The following PIWIL2 variants were observed in gnomAD, a reference collection of about 807,000 sequenced individuals.
PIWIL2 encodes piwi like RNA-mediated gene silencing 2.
PIWIL2 carries 81 observed loss-of-function variants against 116.5 expected under a neutral mutation model. That is an observed-to-expected ratio of 0.70 (90% CI 0.58 to 0.84). The LOEUF (loss-of-function observed/expected upper bound fraction) is 0.84. PIWIL2 is among the 40% of genes least tolerant of loss of function. The probability of loss-of-function intolerance (pLI) is 0.00; values close to 1 mark genes in which losing one functional copy is unlikely to be tolerated. For missense variants in PIWIL2, 1,272 were observed against 1,212.3 expected (o/e 1.05, Z -0.73); for synonymous variants, 489 against 429.5 (o/e 1.14, Z -1.71).
chr8:22,298,065 T>A (rs1279166276), intron 10 of PIWIL2, among the ~76,000 whole-genome samples: 2 of 152,142 alleles, frequency 1.3e-5, no homozygotes, highest in Non-Finnish European at 2.9e-5. Context: ...GAAACCAGCC[T>A]GGGCAACATG....
chr8:22,313,762 A>C (rs796271214), intron 16 of PIWIL2, among the ~76,000 whole-genome samples: 19 of 152,350 alleles, frequency 1.2e-4, no homozygotes, highest in African/African-American at 3.6e-4. Context: ...GCAGTGAGGA[A>C]TAGATGATAC....
At chr8:22,323,105 G>T (rs1291174812) in intron 20 of PIWIL2, among the ~76,000 whole-genome samples, 2 of 146,864 alleles carry the variant, frequency 1.4e-5, no homozygotes, top group African/African-American at 5.0e-5. Flanking sequence ...GTAGAGACGG[G>T]GTTTCACTGT....
At chr8:22,276,442 A>C (rs1374847441) in intron 1 of PIWIL2, among the ~76,000 whole-genome samples, 1 of 152,132 alleles carries the variant, frequency 6.6e-6, no homozygotes, top group East Asian at 1.9e-4. Flanking sequence ...CTGCCTCCCG[A>C]GTAGCTGGGA....
intron 8 of PIWIL2, among the ~76,000 whole-genome samples, chr8:22,289,584 T>C (rs758395960): frequency 6.6e-6 from 1 of 152,224 alleles, no homozygotes; most frequent in African/African-American, 2.4e-5. Flanking sequence ...AGTAACGTAA[T>C]AAAACCTTGG....
At chr8:22,279,271 T>C in intron 1 of PIWIL2, 70 bp from the exon 2 acceptor site, 2 of 796,768 alleles carry the variant, frequency 2.5e-6, no homozygotes, top group Non-Finnish European at 4.3e-6. Flanking sequence ...ACTATTTTAA[T>C]GCTTTGTGAG....
At chr8:22,279,664 C>T in intron 2 of PIWIL2, 80 bp downstream of exon 2, 2 of 1,366,280 alleles carry the variant, frequency 1.5e-6, no homozygotes, top group Non-Finnish European at 2.1e-6. Context: ...TTTCAAAGTG[C>T]TTGCAGGGCT....
intron 20 of PIWIL2, among the ~76,000 whole-genome samples, chr8:22,327,194 A>G (rs1446326841): frequency 6.6e-6 from 1 of 151,248 alleles, no homozygotes; most frequent in Non-Finnish European, 1.5e-5. Flanking sequence ...ACACCCAGCT[A>G]ATTTTTGTTT....
chr8:22,331,156 A>G (rs1437370616), intron 20 of PIWIL2, among the ~76,000 whole-genome samples: 2 of 152,108 alleles, frequency 1.3e-5, no homozygotes, highest in Non-Finnish European at 2.9e-5. Flanking sequence ...AGCCTAAGCT[A>G]CAGAGCGAGA....
chr8:22,298,950 C>T (rs911876168), intron 10 of PIWIL2, among the ~76,000 whole-genome samples: 8 of 152,138 alleles, frequency 5.3e-5, no homozygotes, highest in African/African-American at 1.7e-4. Flanking sequence ...AGTTGGCTTG[C>T]AAAAGTGTGT....
chr8:22,284,197 C>T lies in PIWIL2; in HGVS notation c.668C>T (p.Pro223Leu). ...LIVKQGSKGTPQSLGLNLVKI... is the reference protein window; with the variant it reads ...LIVKQGSKGTLQSLGLNLVKI... Reference sequence around the variant, plus strand: ...GTGAAGCAAGGATCAAAAGGAACACCTCAGTCTTTGGGACTGAACCTCGTC... The same window carrying T: ...GTGAAGCAAGGATCAAAAGGAACACTTCAGTCTTTGGGACTGAACCTCGTC... Residue 223 changes from proline to leucine, a missense_variant, in exon 6 of 23, where the codon CCT (proline) becomes CTT (leucine). By Grantham distance (98) the Pro-to-Leu change is moderately conservative. Transcript: ENST00000356766. 1 of 1,601,762 alleles carries T rather than the reference C, an allele frequency of 6.2e-7. No homozygotes were observed. The highest frequency in any genetic ancestry group is 8.5e-7 in the Non-Finnish European group (1 of 1,174,520).
chr8:22,317,405 CAT>C (rs975872762), intron 19 of PIWIL2, among the ~76,000 whole-genome samples: 13 of 152,090 alleles, frequency 8.5e-5, no homozygotes, highest in Non-Finnish European at 1.5e-4. Flanking sequence ...CACACACACA[CAT>C]ATATATATTT....
At chr8:22,314,483 CTT>C in intron 17 of PIWIL2, 54 bp downstream of exon 17, 1 of 879,832 alleles carries the variant, frequency 1.1e-6, no homozygotes, top group Non-Finnish European at 1.7e-6. Flanking sequence ...CTCCCCGAGG[CTT>C]GAGAAGAGGG....
Position 22,334,006 on chromosome 8 carries a change from G to A in PIWIL2, c.2403+15731G>A, listed in dbSNP as rs181726097. ...TTTTTTGGAGACAGTTTTTTCACTC[G>A]TTGCCCAGGCTGGATGGAGTGCAGT... On this transcript the variant is annotated intron_variant, in intron 20 of 22. Coordinates refer to ENST00000356766, the MANE Select transcript of PIWIL2 (RefSeq NM_018068.5). 1.4e-3 allele frequency among the ~76,000 whole-genome samples: 215 copies of A among 149,802 alleles called. 4 individuals carry two copies. Among genetic ancestry groups the A allele is most frequent in the African/African-American group, 5.0e-3 (205 of 40,684 alleles).
chr8:22,297,162 AATTTTT>A (rs1830926940), intron 10 of PIWIL2, among the ~76,000 whole-genome samples: 2 of 151,506 alleles, frequency 1.3e-5, no homozygotes. Flanking sequence ...CTAATGTTTT[AATTTTT>A]TCATAAAGGC....
At chr8:22,315,656 A>G (rs1353861400) in intron 18 of PIWIL2, among the ~76,000 whole-genome samples, 2 of 152,190 alleles carry the variant, frequency 1.3e-5, no homozygotes. Context: ...TAAAACTAAG[A>G]TGATTATTCC....
At chr8:22,291,851 A>G (rs886897870) in intron 10 of PIWIL2, among the ~76,000 whole-genome samples, 2 of 152,166 alleles carry the variant, frequency 1.3e-5, no homozygotes, top group African/African-American at 4.8e-5. Flanking sequence ...ATGAACAGTA[A>G]ATAATAAATG....
intron 20 of PIWIL2, among the ~76,000 whole-genome samples, chr8:22,336,843 T>G (rs1324399426): frequency 6.6e-6 from 1 of 151,968 alleles, no homozygotes; most frequent in African/African-American, 2.4e-5. Flanking sequence ...GGAGATAAAG[T>G]TGACAACCTT....
intron 20 of PIWIL2, among the ~76,000 whole-genome samples, chr8:22,338,865 T>C (rs187488033): frequency 1.2e-4 from 19 of 152,250 alleles, no homozygotes; most frequent in Admixed American, 1.2e-3. Flanking sequence ...CAAATTCATA[T>C]GGAAATGCAA....
At chr8:22,281,089 T>C in intron 2 of PIWIL2, 31 bp from the exon 3 acceptor site, 4 of 1,442,394 alleles carry the variant, frequency 2.8e-6, no homozygotes, top group Non-Finnish European at 3.8e-6. Flanking sequence ...TTAAACTACC[T>C]CTTAGAACTT....
Sources: gnomAD v4.1 joint callset for allele counts (sites outside exome capture counted in the v4.1 genomes callset) on GRCh38, gnomAD v4.1.1 for gene constraint, MANE v1.5 for transcripts, NCBI Gene and HGNC (gene_info 2026-07-23, HGNC 2026-07-21) for gene names.